The following DIAPH2 variants were observed in gnomAD, a reference collection of about 807,000 sequenced individuals.
DIAPH2 encodes the protein protein diaphanous homolog 2.
DIAPH2 carries 35 observed loss-of-function variants against 92.7 expected under a neutral mutation model. That is an observed-to-expected ratio of 0.38 (90% confidence interval 0.29 to 0.50). DIAPH2 has a LOEUF of 0.50. Ranked by LOEUF, DIAPH2 falls within the 20% of genes least tolerant of loss-of-function variation. The pLI, the probability that DIAPH2 is intolerant of heterozygous loss-of-function variation, is 0.94. For missense variants in DIAPH2, 701 were observed against 819.5 expected (o/e 0.86, Z 1.77); for synonymous variants, 301 against 280.4 (o/e 1.07, Z -0.73).
chrX:97,437,232 C>T (rs780293744), intron 26 of DIAPH2, among the ~76,000 whole-genome samples: 4 of 112,072 alleles, frequency 3.6e-5, no homozygotes, highest in Non-Finnish European at 5.6e-5. Context: ...TTCTCAGTCT[C>T]TGTTTTATAA....
rs7886289 is a variant in DIAPH2 at position 96,718,379 on chromosome X, T to A, written c.133-17379T>A. Among the ~76,000 whole-genome samples, 194 of 86,280 alleles carry A rather than the reference T, an allele frequency of 2.2e-3. 2 individuals carry two copies. The highest frequency in any genetic ancestry group is 7.8e-3 in the African/African-American group (182 of 23,441). The allele number at this position is 86,280 out of a possible 115,157, so 74.9% of individuals were successfully genotyped here. On this transcript the variant is annotated intron_variant, in intron 1 of 26. Transcript: ENST00000324765. ...TTTTTTTTTTTTTTTTTTTTTATGG[T>A]GTCTCATTCTGTTGCCTAAGCTGGA...
At chrX:97,014,110 T>C (rs2066245014) in intron 17 of DIAPH2, among the ~76,000 whole-genome samples, 1 of 111,703 alleles carries the variant, frequency 9.0e-6, no homozygotes, top group African/African-American at 3.3e-5. Context: ...AACAGAAATA[T>C]AAATATGGAA....
intron 4 of DIAPH2, among the ~76,000 whole-genome samples, chrX:96,852,254 C>T (rs1282832072): frequency 8.9e-6 from 1 of 112,079 alleles, no homozygotes; most frequent in Non-Finnish European, 1.9e-5. Context: ...GTTTCAAAGA[C>T]TGTTAGGAAA....
intron 4 of DIAPH2, among the ~76,000 whole-genome samples, chrX:96,768,722 G>A (rs4969690): frequency 0.1 from 11,406 of 110,898 alleles, 541 homozygotes; most frequent in East Asian, 0.32. Flanking sequence ...AGGCAGGAGT[G>A]TGCTTGGAGT....
chrX:97,355,879 TG>T (rs2069261746), intron 24 of DIAPH2, among the ~76,000 whole-genome samples: 1 of 111,760 alleles, frequency 8.9e-6, no homozygotes, highest in African/African-American at 3.3e-5. Context: ...AGCAACTGAG[TG>T]CCTTTATTCT....
chrX:97,589,189 T>C (rs1480892546), intron 26 of DIAPH2, among the ~76,000 whole-genome samples: 6 of 98,715 alleles, frequency 6.1e-5, no homozygotes, highest in Non-Finnish European at 1.2e-4. Context: ...TGATGACGGG[T>C]GCCTGTAATC....
chrX:97,059,221 C>T (rs150825190), intron 17 of DIAPH2, among the ~76,000 whole-genome samples: 5 of 111,841 alleles, frequency 4.5e-5, no homozygotes, highest in Admixed American at 9.5e-5. Context: ...TACACAATAG[C>T]TCATGTCATA....
intron 24 of DIAPH2, among the ~76,000 whole-genome samples, chrX:97,368,692 G>T (rs2069407248): frequency 2.7e-5 from 1 of 37,479 alleles, no homozygotes; most frequent in Non-Finnish European, 5.5e-5. Context: ...CTGTCAAAAA[G>T]TATAAGCCCA....
At chrX:97,598,985 A>G (rs1055828531) in intron 26 of DIAPH2, among the ~76,000 whole-genome samples, 2 of 111,598 alleles carry the variant, frequency 1.8e-5, no homozygotes, top group African/African-American at 6.5e-5. Context: ...TTCCAAGGGG[A>G]CTGTGCTTGA....
At chrX:97,397,641 G>A (rs958861503) in intron 25 of DIAPH2, among the ~76,000 whole-genome samples, 1 of 111,741 alleles carries the variant, frequency 8.9e-6, no homozygotes, top group African/African-American at 3.3e-5. Flanking sequence ...GTAAATCATA[G>A]TGTCTTGTTT....
At position 96,991,539 on chromosome X, in the gene DIAPH2, G is replaced by GTTTT. The variant is rs5903062; in HGVS notation, c.2050+26347_2050+26350dup. Among the ~76,000 whole-genome samples the GTTTT allele has an allele frequency of 8.0e-5, 7 of 87,300 alleles. No individual in the cohort carries two copies. The East Asian group carries it at 1.1e-3, about 14-fold the overall frequency. 75.8% of individuals were successfully genotyped at this position (87,300 alleles called of 115,157 possible). A position where few individuals can be genotyped will look rare whatever the true frequency, so the allele number is the denominator to read the frequency against. On this transcript the variant is annotated intron_variant, in intron 17 of 26. Coordinates refer to ENST00000324765, the MANE Select transcript of DIAPH2 (RefSeq NM_006729.5). Reference sequence around the variant, plus strand: ...AAACCAAGGTATCCTGTTTTATGGTGTTTTTTTTTTTTTTTTTTACTATGT... The same window carrying GTTTT: ...AAACCAAGGTATCCTGTTTTATGGTGTTTTTTTTTTTTTTTTTTTTTTACTATGT...
At chrX:97,237,011 G>A (rs1351086676) in intron 22 of DIAPH2, among the ~76,000 whole-genome samples, 1 of 111,485 alleles carries the variant, frequency 9.0e-6, no homozygotes, top group Non-Finnish European at 1.9e-5. Context: ...TTTGTTCTTC[G>A]TGACCTTTTT....
At chrX:96,795,553 TC>T (rs1423996862) in intron 4 of DIAPH2, among the ~76,000 whole-genome samples, 1 of 112,066 alleles carries the variant, frequency 8.9e-6, no homozygotes, top group East Asian at 2.8e-4. Flanking sequence ...CACAGCGAAA[TC>T]CCCAATTATA....
chrX:97,131,589 CA>C (rs1261821289), intron 21 of DIAPH2, among the ~76,000 whole-genome samples: 2 of 111,850 alleles, frequency 1.8e-5, no homozygotes, highest in Non-Finnish European at 3.8e-5. Flanking sequence ...AAACCTCATA[CA>C]TATAAAACAA....
chrX:97,599,501 A>C lies in DIAPH2; in HGVS notation c.*184A>C. On this transcript the variant is annotated 3_prime_UTR_variant, in exon 27 of 27. Transcript: ENST00000324765. ...CAAGACTCCTCCCACAATTATTCTAATCTGAACACAGTTATCAGGATTACA... is the reference window on the plus strand; with the variant it reads ...CAAGACTCCTCCCACAATTATTCTACTCTGAACACAGTTATCAGGATTACA... 1 of 295,222 alleles carries C rather than the reference A, an allele frequency of 3.4e-6. No individual in the cohort carries two copies. Among genetic ancestry groups the C allele is most frequent in the Non-Finnish European group, 6.3e-6 (1 of 159,743 alleles). The allele number at this position is 295,222 out of a possible 1,213,427, so 24.3% of individuals were successfully genotyped here.
At chrX:97,010,195 C>T (rs2066214744) in intron 17 of DIAPH2, among the ~76,000 whole-genome samples, 2 of 111,666 alleles carry the variant, frequency 1.8e-5, no homozygotes, top group African/African-American at 6.5e-5. Flanking sequence ...AGTTCTACCC[C>T]ATATTGCTTT....
intron 25 of DIAPH2, among the ~76,000 whole-genome samples, chrX:97,428,495 A>C (rs937576343): frequency 2.8e-5 from 3 of 108,578 alleles, no homozygotes; most frequent in African/African-American, 1.0e-4. Context: ...CGATCACGCC[A>C]TTGCACTCCA....
rs1410233140 is a variant in DIAPH2 at position 96,765,156 on chromosome X, A to T, written c.447+6898A>T. On this transcript the variant is annotated intron_variant, in intron 4 of 26. Coordinates refer to ENST00000324765, the MANE Select transcript of DIAPH2 (RefSeq NM_006729.5). ...GTTTCAGTTACCTGAGGTGCAGCAC[A>T]ATAATACATTTTGAGAGAGAGAGAC... Among the ~76,000 whole-genome samples, 5 of 108,248 alleles carry T rather than the reference A, an allele frequency of 4.6e-5. No individual in the cohort carries two copies. The Admixed American group carries it at 5.0e-4, about 11-fold the overall frequency. The allele number at this position is 108,248 out of a possible 115,157, so 94.0% of individuals were successfully genotyped here.
intron 23 of DIAPH2, among the ~76,000 whole-genome samples, chrX:97,291,980 A>G (rs1308169600): frequency 8.9e-6 from 1 of 111,768 alleles, no homozygotes; most frequent in African/African-American, 3.2e-5. Flanking sequence ...TGATTGATGT[A>G]TACAGGATTT....
Sources: gnomAD v4.1 joint callset for allele counts (sites outside exome capture counted in the v4.1 genomes callset) on GRCh38, gnomAD v4.1.1 for gene constraint, MANE v1.5 for transcripts, NCBI Gene and HGNC (gene_info 2026-07-23, HGNC 2026-07-21) for gene names.